Variants in SLC12A6 observed in about 807,000 individuals in gnomAD.
SLC12A6 encodes the protein K-Cl cotransporter 3.
In SLC12A6, 66 loss-of-function variants were observed where a neutral mutation model predicts 135.3. That is an observed-to-expected ratio of 0.49 (90% confidence interval 0.40 to 0.60). The LOEUF is 0.60. Among genes scored for constraint, SLC12A6 ranks in the 20% least tolerant of loss-of-function variants. The pLI, the probability that SLC12A6 is intolerant of heterozygous loss-of-function variation, is 0.00. For missense variants in SLC12A6, 1,058 were observed against 1,452.3 expected (o/e 0.73, Z 4.41); for synonymous variants, 513 against 508.8 (o/e 1.01, Z -0.11).
chr15:34,255,468 G>T (rs1275898143), intron 7 of SLC12A6, 76 bp from the exon 8 acceptor site: 2 of 1,060,044 alleles, frequency 1.9e-6, no homozygotes, highest in Admixed American at 1.8e-5. Context: ...ACAGAAATAA[G>T]AAAAAATATA....
In SLC12A6 at chr15:34,230,391, G is replaced by A. The variant is rs896149888; in HGVS notation, c.*3490C>T. Reference sequence around the variant, plus strand: ...TTTTGTTAGCATGTTTAGGGGGAACGAGGATTGGTGGGATCCTTGGGCCAC... The same window carrying A: ...TTTTGTTAGCATGTTTAGGGGGAACAAGGATTGGTGGGATCCTTGGGCCAC... On this transcript the variant is annotated 3_prime_UTR_variant, in exon 26 of 26. Transcript: ENST00000354181. 3.3e-5 allele frequency: 5 copies of A among 152,702 alleles called. No homozygotes were observed. The highest frequency in any genetic ancestry group is 9.7e-5 in the African/African-American group (4 of 41,424). The allele number at this position is 152,702 out of a possible 1,614,324, so 9.5% of individuals were successfully genotyped here.
At chr15:34,325,785 A>G (rs1382381858) in intron 2 of SLC12A6, among the ~76,000 whole-genome samples, 1 of 152,186 alleles carries the variant, frequency 6.6e-6, no homozygotes, top group African/African-American at 2.4e-5. Flanking sequence ...TTGAGTGCCC[A>G]CTAAGTGCCA....
intron 13 of SLC12A6, among the ~76,000 whole-genome samples, chr15:34,247,321 T>C (rs1354042610): frequency 2.0e-5 from 3 of 151,900 alleles, no homozygotes; most frequent in Admixed American, 6.6e-5. Flanking sequence ...ATCGAGACCA[T>C]CCTGGCTAAC....
intron 2 of SLC12A6, among the ~76,000 whole-genome samples, chr15:34,288,499 G>GT (rs1322415217): frequency 6.6e-5 from 10 of 152,324 alleles, no homozygotes; most frequent in African/African-American, 2.2e-4. Flanking sequence ...CTTTAAAGTA[G>GT]TTTTTTCCCA....
intron 2 of SLC12A6, among the ~76,000 whole-genome samples, chr15:34,316,807 A>T (rs929491818): frequency 6.6e-6 from 1 of 152,236 alleles, no homozygotes; most frequent in Non-Finnish European, 1.5e-5. Context: ...GGACTAGTAA[A>T]GATGAAATAA....
chr15:34,255,251 T>C lies in SLC12A6; in HGVS notation c.876+11A>G, dbSNP rs997585357. On this transcript the variant is annotated intron_variant, in intron 8 of 25. Coordinates refer to ENST00000354181, the MANE Select transcript of SLC12A6 (RefSeq NM_001365088.1). Reference sequence around the variant, plus strand: ...TTCTATATTATAGACCACAATGAAGTCATTACTTACCAGAAAGATTTCAAT... The same window carrying C: ...TTCTATATTATAGACCACAATGAAGCCATTACTTACCAGAAAGATTTCAAT... The C allele has an allele frequency of 1.6e-5, 26 of 1,584,612 alleles. 1 individual carries two copies. The highest frequency in any genetic ancestry group is 2.3e-5 in the Non-Finnish European group (26 of 1,153,204).
Position 34,250,364 on chromosome 15 carries a change from T to C in SLC12A6, c.1592-9A>G. On this transcript the variant is annotated splice_polypyrimidine_tract_variant and intron_variant, in intron 12 of 25. Coordinates refer to ENST00000354181, the MANE Select transcript of SLC12A6 (RefSeq NM_001365088.1). ...GACAACATTGCTTAAATCTACCATATTGAGAGTCAAGGAAACTGTTGTTTA... is the reference window on the plus strand; with the variant it reads ...GACAACATTGCTTAAATCTACCATACTGAGAGTCAAGGAAACTGTTGTTTA... The C allele has an allele frequency of 1.3e-6, 2 of 1,568,968 alleles. No homozygotes were observed. Among genetic ancestry groups the C allele is most frequent in the South Asian group, 1.1e-5 (1 of 90,122 alleles).
chr15:34,325,015 T>C (rs1889371062), intron 2 of SLC12A6, among the ~76,000 whole-genome samples: 1 of 152,178 alleles, frequency 6.6e-6, no homozygotes, highest in South Asian at 2.1e-4. Flanking sequence ...CAAACTGCTA[T>C]GCAAGTTTCT....
chr15:34,309,704 A>G (rs1448193777), intron 2 of SLC12A6, among the ~76,000 whole-genome samples: 1 of 152,194 alleles, frequency 6.6e-6, no homozygotes, highest in Non-Finnish European at 1.5e-5. Flanking sequence ...TTGGGAAGAT[A>G]TTTCAGAGAG....
At chr15:34,267,906 CT>C (rs1893638470) in intron 3 of SLC12A6, among the ~76,000 whole-genome samples, 1 of 151,890 alleles carries the variant, frequency 6.6e-6, no homozygotes, top group Non-Finnish European at 1.5e-5. Context: ...TGTTTAATTT[CT>C]TTTTTATATC....
intron 2 of SLC12A6, among the ~76,000 whole-genome samples, chr15:34,289,521 T>A (rs1380357259): frequency 6.6e-6 from 1 of 152,232 alleles, no homozygotes; most frequent in Non-Finnish European, 1.5e-5. Context: ...ATTCCCTCTT[T>A]TTCTATTAAT....
At chr15:34,255,746 G>T (rs1892707510) in intron 7 of SLC12A6, among the ~76,000 whole-genome samples, 1 of 152,034 alleles carries the variant, frequency 6.6e-6, no homozygotes, top group Admixed American at 6.6e-5. Flanking sequence ...TGAGGCGAGA[G>T]GATTGCTTGA....
At chr15:34,285,047 G>A (rs955551679) in intron 2 of SLC12A6, among the ~76,000 whole-genome samples, 4 of 152,236 alleles carry the variant, frequency 2.6e-5, no homozygotes, top group Non-Finnish European at 5.9e-5. Context: ...GATGTTGGAG[G>A]AGGAATCAAA....
chr15:34,279,313 C>CA (rs1314075105), intron 2 of SLC12A6, among the ~76,000 whole-genome samples: 2 of 147,238 alleles, frequency 1.4e-5, no homozygotes, highest in Middle Eastern at 3.6e-3. Flanking sequence ...GACTCCGTCT[C>CA]AAAAAAACAA....
chr15:34,238,853 G>T, intron 20 of SLC12A6, 112 bp downstream of exon 20: 2 of 967,256 alleles, frequency 2.1e-6, no homozygotes, highest in South Asian at 1.3e-5. Context: ...TGCCTTATAA[G>T]ACTATGCTTC....
chr15:34,287,316 CT>C (rs1296946235), intron 2 of SLC12A6, among the ~76,000 whole-genome samples: 5 of 152,226 alleles, frequency 3.3e-5, no homozygotes, highest in African/African-American at 1.2e-4. Context: ...GGAACTCATC[CT>C]TTTTTATGGC....
At chr15:34,319,659 C>T (rs1192386297) in intron 2 of SLC12A6, among the ~76,000 whole-genome samples, 2 of 151,732 alleles carry the variant, frequency 1.3e-5, no homozygotes, top group Non-Finnish European at 2.9e-5. Context: ...ATTAGCCAGG[C>T]GTGGTGGTTC....
At chr15:34,286,465 T>G (rs1440816664) in intron 2 of SLC12A6, among the ~76,000 whole-genome samples, 1 of 152,056 alleles carries the variant, frequency 6.6e-6, no homozygotes, top group African/African-American at 2.4e-5. Flanking sequence ...TTAATAGCAT[T>G]CATAAGTCTA....
intron 12 of SLC12A6, 90 bp from the exon 13 acceptor site, chr15:34,250,445 A>G: frequency 1.1e-6 from 1 of 918,510 alleles, no homozygotes; most frequent in South Asian, 1.3e-5. Context: ...TCTGTCAGTA[A>G]AATGAGCTGC....
Sources: allele counts gnomAD v4.1 joint callset (sites outside exome capture counted in the v4.1 genomes callset), GRCh38; gene constraint gnomAD v4.1.1; transcripts MANE v1.5; gene names NCBI Gene and HGNC (gene_info 2026-07-23, HGNC 2026-07-21).